The following AFF2 variants were observed in gnomAD, a reference collection of about 807,000 sequenced individuals.
The protein encoded by AFF2 is ALF transcription elongation factor 2.
AFF2 carries 14 observed loss-of-function variants against 76.9 expected under a neutral mutation model. The ratio of observed to expected loss-of-function variants is 0.18; its 90% CI spans 0.12 to 0.28. The LOEUF (loss-of-function observed/expected upper bound fraction) is 0.28. AFF2 is among the 10% of genes least tolerant of loss of function. AFF2 has a pLI of 1.00. For synonymous variants in AFF2, 398 were observed against 366.7 expected (o/e 1.09, Z -0.98); for missense variants, 868 against 1,001.1 (o/e 0.87, Z 1.79).
chrX:148,899,236 G>T (rs1557280641), intron 8 of AFF2, among the ~76,000 whole-genome samples: 1 of 111,940 alleles, frequency 8.9e-6, no homozygotes, highest in Admixed American at 9.5e-5. Context: ...ACTCATTCCA[G>T]TGAAATCTAT....
chrX:148,652,093 T>C lies in AFF2; in HGVS notation c.142T>C (p.Phe48Leu). The change falls in exon 2 of 21, where the codon TTT (phenylalanine) becomes CTT (leucine). Residue 48 changes from phenylalanine (F) to leucine (L), a missense_variant. This residue lies in a region of AFF2 where 196 missense variants were observed against 194.8 expected (regional missense o/e 1.01). Transcript: ENST00000370460. The part of the protein sequence containing the change: ...QQEDDLFSSG[F>L]DLFGEPYKVA... ...AGAAGACGATCTCTTTTCTTCAGGC[T>C]TTGATCTTTTTGGGGAGCCATACAA... 8.3e-7 allele frequency: 1 copy of C among 1,202,692 alleles called. No homozygotes were observed. Among genetic ancestry groups the C allele is most frequent in the Non-Finnish European group, 1.1e-6 (1 of 887,972 alleles).
At position 148,662,480 on chromosome X, in the gene AFF2, T is replaced by G; in HGVS notation, c.753T>G (p.Ser251=). 3 of 1,212,058 alleles carry G rather than the reference T, an allele frequency of 2.5e-6. No individual in the cohort carries two copies. The highest frequency in any genetic ancestry group is 3.3e-6 in the Non-Finnish European group (3 of 895,566). The change falls in exon 3 of 21, where the codon TCT becomes TCG. Residue 251 remains serine (S), a synonymous_variant. Coordinates refer to ENST00000370460, the MANE Select transcript of AFF2 (RefSeq NM_002025.4). ...AATTCGCCGTGCAAGCGCCTGGGTC[T>G]CCCCTAGTGGCTTCCTCTTTATTAG... The part of the protein sequence containing the change: ...ESEFAVQAPG[S]PLVASSLLAP...
chrX:148,918,698 A>G (rs782563876), intron 9 of AFF2, among the ~76,000 whole-genome samples: 10 of 111,917 alleles, frequency 8.9e-5, no homozygotes, highest in African/African-American at 2.6e-4. Flanking sequence ...GAGGAAATTG[A>G]TAGAGAAGCC....
chrX:148,882,738 C>T lies in AFF2; in HGVS notation c.1263-3151C>T, dbSNP rs782408657. On this transcript the variant is annotated intron_variant, in intron 7 of 20. Transcript: ENST00000370460. ...AAATCTAATATCTTTCATAATCCTA[C>T]GCTTTCCCTAGAGTAATGTTCAGCA... Among the ~76,000 whole-genome samples, 18 of 111,883 alleles carry T rather than the reference C, an allele frequency of 1.6e-4. No homozygotes were observed. The East Asian group carries it at 2.5e-3, about 16-fold the overall frequency.
chrX:148,763,899 C>T (rs1318815684), intron 3 of AFF2, among the ~76,000 whole-genome samples: 2 of 111,951 alleles, frequency 1.8e-5, no homozygotes, highest in African/African-American at 3.2e-5. Context: ...AAACTAACAA[C>T]GATAACGTTT....
intron 4 of AFF2, among the ~76,000 whole-genome samples, chrX:148,812,228 G>T (rs1339151292): frequency 9.0e-6 from 1 of 111,479 alleles, no homozygotes; most frequent in African/African-American, 3.3e-5. Flanking sequence ...CCTGTGACGG[G>T]TTCCGCAGTA....
At chrX:148,957,473 G>A (rs1044030006) in intron 11 of AFF2, among the ~76,000 whole-genome samples, 18 of 110,896 alleles carry the variant, frequency 1.6e-4, no homozygotes, top group African/African-American at 4.9e-4. Context: ...ATATTCTCTC[G>A]GAGTTGCATA....
intron 3 of AFF2, among the ~76,000 whole-genome samples, chrX:148,802,606 G>A (rs1557271036): frequency 1.8e-5 from 2 of 111,809 alleles, no homozygotes; most frequent in Non-Finnish European, 3.8e-5. Flanking sequence ...AGGCTGTTTA[G>A]GCTGCAGGCT....
chrX:148,503,356 C>T (rs1308503807), intron 1 of AFF2, among the ~76,000 whole-genome samples: 1 of 111,709 alleles, frequency 9.0e-6, no homozygotes, highest in Non-Finnish European at 1.9e-5. Flanking sequence ...ATGCCAGTTA[C>T]GTGTTCATTA....
At chrX:148,549,907 T>C (rs1356043755) in intron 1 of AFF2, among the ~76,000 whole-genome samples, 6 of 112,314 alleles carry the variant, frequency 5.3e-5, no homozygotes, top group Non-Finnish European at 9.4e-5. Context: ...TTATACATTT[T>C]CAAATAGCTT....
rs185171930 is a variant in AFF2, at chrX:148,975,204, T to C, written c.3404+1597T>C. 2.2e-3 allele frequency among the ~76,000 whole-genome samples: 244 copies of C among 111,153 alleles called. 3 individuals are homozygous for C. The highest frequency in any genetic ancestry group is 0.014 in the Middle Eastern group (3 of 208). On this transcript the variant is annotated intron_variant, in intron 16 of 20. Coordinates refer to ENST00000370460, the MANE Select transcript of AFF2 (RefSeq NM_002025.4). ...AAAGCCATACAAATGAGTATTCATA[T>C]CTTTTGATCCAGTACTTTAACTGTG...
At chrX:148,672,292 C>A (rs782077159) in intron 3 of AFF2, among the ~76,000 whole-genome samples, 3 of 112,078 alleles carry the variant, frequency 2.7e-5, no homozygotes, top group Non-Finnish European at 5.6e-5. Context: ...AACCTGTTAC[C>A]TTTATACTTT....
At chrX:148,709,540 C>T (rs1557262715) in intron 3 of AFF2, among the ~76,000 whole-genome samples, 1 of 112,232 alleles carries the variant, frequency 8.9e-6, no homozygotes, top group Non-Finnish European at 1.9e-5. Flanking sequence ...ATTATATAAT[C>T]ATGTTAAATC....
intron 3 of AFF2, among the ~76,000 whole-genome samples, chrX:148,709,317 AGATAGGATTAGAAT>A (rs1310405038): frequency 9.0e-6 from 1 of 111,631 alleles, no homozygotes; most frequent in Non-Finnish European, 1.9e-5. Context: ...GAATGGGAAA[AGATAGGATTAGAAT>A]GACTATTTTT....
intron 1 of AFF2, among the ~76,000 whole-genome samples, chrX:148,577,040 G>T (rs782818019): frequency 1.4e-4 from 16 of 111,369 alleles, no homozygotes; most frequent in African/African-American, 5.2e-4. Context: ...CAATAAAATA[G>T]CATAGACCAC....
intron 1 of AFF2, among the ~76,000 whole-genome samples, chrX:148,532,623 A>C (rs1000237220): frequency 8.9e-6 from 1 of 112,603 alleles, no homozygotes; most frequent in Non-Finnish European, 1.9e-5. Flanking sequence ...TTAAAGAACA[A>C]TTGAAAGAAG....
intron 4 of AFF2, among the ~76,000 whole-genome samples, chrX:148,835,793 T>C (rs1245427341): frequency 4.5e-5 from 5 of 111,017 alleles, no homozygotes; most frequent in Non-Finnish European, 7.5e-5. Context: ...ACATACTTTT[T>C]TTATGGTGAG....
chrX:148,689,813 A>G (rs1445065079), intron 3 of AFF2, among the ~76,000 whole-genome samples: 1 of 112,090 alleles, frequency 8.9e-6, no homozygotes, highest in Non-Finnish European at 1.9e-5. Context: ...GTTAAGGCAA[A>G]CTTGGATACT....
At chrX:148,968,531 T>C (rs940355320) in intron 15 of AFF2, among the ~76,000 whole-genome samples, 1 of 111,638 alleles carries the variant, frequency 9.0e-6, no homozygotes, top group Non-Finnish European at 1.9e-5. Flanking sequence ...CTAAACCCCA[T>C]TGGGTTAAAA....
Sources: gnomAD v4.1 joint callset for allele counts (sites outside exome capture counted in the v4.1 genomes callset) on GRCh38, gnomAD v4.1.1 for gene constraint, gnomAD v4.1.1 regional missense constraint, MANE v1.5 for transcripts, NCBI Gene and HGNC (gene_info 2026-07-23, HGNC 2026-07-21) for gene names.